Variants in LRRTM4 observed in about 807,000 individuals in gnomAD.
LRRTM4 encodes leucine rich repeat transmembrane neuronal 4.
In LRRTM4, 25 loss-of-function variants were observed where a neutral mutation model predicts 47.6. The ratio of observed to expected loss-of-function variants is 0.53; its 90% CI spans 0.38 to 0.73. The LOEUF is 0.73. Among genes scored for constraint, LRRTM4 ranks in the 30% least tolerant of loss-of-function variants. LRRTM4 has a pLI of 0.00. For synonymous variants in LRRTM4, 311 were observed against 269.5 expected (o/e 1.15, Z -1.51); for missense variants, 638 against 713.4 (o/e 0.89, Z 1.20).
At chr2:76,922,255 G>T (rs1243548768) in intron 3 of LRRTM4, among the ~76,000 whole-genome samples, 1 of 152,044 alleles carries the variant, frequency 6.6e-6, no homozygotes, top group Non-Finnish European at 1.5e-5. Context: ...AGGTATAACT[G>T]ACTCACAGTT....
At chr2:76,832,719 A>G (rs1671389491) in intron 3 of LRRTM4, among the ~76,000 whole-genome samples, 1 of 152,204 alleles carries the variant, frequency 6.6e-6, no homozygotes, top group African/African-American at 2.4e-5. Context: ...TCAAGGTAGT[A>G]ACATTAATTA....
intron 3 of LRRTM4, among the ~76,000 whole-genome samples, chr2:77,282,105 G>T (rs1373326600): frequency 6.6e-6 from 1 of 151,782 alleles, no homozygotes; most frequent in Non-Finnish European, 1.5e-5. Flanking sequence ...TGTGTCATAT[G>T]TTATTTCTTT....
chr2:77,228,939 C>T (rs1216141319), intron 3 of LRRTM4, among the ~76,000 whole-genome samples: 3 of 152,052 alleles, frequency 2.0e-5, no homozygotes, highest in African/African-American at 7.2e-5. Flanking sequence ...TGCTCTTTGA[C>T]CATATGACCC....
intron 3 of LRRTM4, among the ~76,000 whole-genome samples, chr2:77,216,895 AC>A (rs1273112886): frequency 1.3e-5 from 2 of 151,896 alleles, no homozygotes; most frequent in Non-Finnish European, 2.9e-5. Flanking sequence ...ACACGGTGAA[AC>A]CCCATCTCTT....
At chr2:77,287,957 T>C (rs1210870555) in intron 3 of LRRTM4, among the ~76,000 whole-genome samples, 1 of 152,112 alleles carries the variant, frequency 6.6e-6, no homozygotes, top group African/African-American at 2.4e-5. Context: ...CAAAGGGTAA[T>C]GTATTCACAT....
In LRRTM4 at chr2:77,119,305, GT is replaced by G. The variant is rs369726896; in HGVS notation, c.1552-370390del. Among the ~76,000 whole-genome samples, 523 of 151,808 alleles carry G rather than the reference GT, an allele frequency of 3.4e-3. 2 individuals are homozygous for G. Among genetic ancestry groups the G allele is most frequent in the African/African-American group, 0.012 (503 of 41,492 alleles). On this transcript the variant is annotated intron_variant, in intron 3 of 3. Transcript: ENST00000409884. ...CATGCACAGACACTGCTTCATTGAC[GT>G]TGATTTATTAGTTTAAAAAGAGTGT... is the stretch of plus-strand genomic sequence containing the variant.
intron 3 of LRRTM4, among the ~76,000 whole-genome samples, chr2:76,969,693 A>G (rs1213654577): frequency 6.6e-6 from 1 of 152,004 alleles, no homozygotes; most frequent in African/African-American, 2.4e-5. Context: ...GATTATGATG[A>G]CGATGATTAA....
At chr2:76,868,306 T>C (rs181864350) in intron 3 of LRRTM4, among the ~76,000 whole-genome samples, 2 of 152,360 alleles carry the variant, frequency 1.3e-5, no homozygotes, top group Non-Finnish European at 2.9e-5. Context: ...GGACCCAGTT[T>C]CTATCCTATG....
At chr2:77,023,740 G>T (rs190935110) in intron 3 of LRRTM4, among the ~76,000 whole-genome samples, 2 of 152,136 alleles carry the variant, frequency 1.3e-5, no homozygotes, top group African/African-American at 2.4e-5. Flanking sequence ...TTTGGTCAAA[G>T]CCACTCAACA....
chr2:76,919,736 A>G (rs1239789822), intron 3 of LRRTM4, among the ~76,000 whole-genome samples: 1 of 152,170 alleles, frequency 6.6e-6, no homozygotes, highest in South Asian at 2.1e-4. Context: ...CCTTTTACTC[A>G]GTTAAAGAAA....
chr2:77,504,107 C>T lies in LRRTM4; in HGVS notation c.1551+14211G>A, dbSNP rs1678675027. 3.3e-5 allele frequency among the ~76,000 whole-genome samples: 5 copies of T among 151,540 alleles called. No homozygotes were observed. The Admixed American group carries it at 3.3e-4, about 10-fold the overall frequency. On this transcript the variant is annotated intron_variant, in intron 3 of 3. Coordinates refer to ENST00000409884, the MANE Select transcript of LRRTM4 (RefSeq NM_001134745.3). ...AAGAAAATTCTCTCTGTCTCTCTTC[C>T]TTTCTTGAGTGGTAATACTCAAGTA... is the stretch of plus-strand genomic sequence containing the variant.
intron 3 of LRRTM4, among the ~76,000 whole-genome samples, chr2:77,505,776 G>A (rs967198542): frequency 6.6e-6 from 1 of 151,476 alleles, no homozygotes; most frequent in Non-Finnish European, 1.5e-5. Flanking sequence ...ATTTTAAAAT[G>A]AATCAAATGA....
intron 3 of LRRTM4, among the ~76,000 whole-genome samples, chr2:77,210,269 C>T (rs1196770968): frequency 2.0e-5 from 3 of 152,176 alleles, no homozygotes; most frequent in Admixed American, 6.5e-5. Flanking sequence ...TCTCACAACA[C>T]AAAATCCTTC....
chr2:76,762,045 C>A (rs541379409), intron 3 of LRRTM4, among the ~76,000 whole-genome samples: 5 of 152,124 alleles, frequency 3.3e-5, no homozygotes, highest in Non-Finnish European at 5.9e-5. Flanking sequence ...GTTCTCAAAT[C>A]GTCCACTCAC....
At chr2:76,860,555 T>C (rs1672283706) in intron 3 of LRRTM4, among the ~76,000 whole-genome samples, 1 of 152,046 alleles carries the variant, frequency 6.6e-6, no homozygotes, top group African/African-American at 2.4e-5. Flanking sequence ...TTTTGCTGTG[T>C]GTGTGCATGT....
intron 3 of LRRTM4, among the ~76,000 whole-genome samples, chr2:76,783,331 A>C (rs1204605342): frequency 6.6e-6 from 1 of 152,166 alleles, no homozygotes; most frequent in Admixed American, 6.6e-5. Context: ...ATGGTTGGAA[A>C]AGTCATTTGT....
At chr2:76,916,384 C>CTA (rs1674247326) in intron 3 of LRRTM4, among the ~76,000 whole-genome samples, 1 of 53,500 alleles carries the variant, frequency 1.9e-5, no homozygotes, top group Non-Finnish European at 3.5e-5. Flanking sequence ...GACTGTGTCT[C>CTA]AAAAAAAAAA....
chr2:76,901,726 C>G (rs1296456571), intron 3 of LRRTM4, among the ~76,000 whole-genome samples: 1 of 152,104 alleles, frequency 6.6e-6, no homozygotes, highest in African/African-American at 2.4e-5. Context: ...TTTGAGTACC[C>G]TTTTACTATC....
At chr2:76,968,986 G>C (rs1251808652) in intron 3 of LRRTM4, among the ~76,000 whole-genome samples, 1 of 151,824 alleles carries the variant, frequency 6.6e-6, no homozygotes, top group Non-Finnish European at 1.5e-5. Flanking sequence ...AAAATAAAGA[G>C]ACCGCTGCCT....
Sources: allele counts gnomAD v4.1 joint callset (sites outside exome capture counted in the v4.1 genomes callset), GRCh38; gene constraint gnomAD v4.1.1; transcripts MANE v1.5; gene names NCBI Gene and HGNC (gene_info 2026-07-23, HGNC 2026-07-21).